The following OPHN1 variants were observed in gnomAD, a reference collection of about 807,000 sequenced individuals.
OPHN1 encodes the protein oligophrenin 1, also known as oligophrenin-1.
OPHN1 carries 11 observed loss-of-function variants against 60.7 expected under a neutral mutation model. The ratio of observed to expected loss-of-function variants is 0.18; its 90% confidence interval spans 0.11 to 0.30. OPHN1 has a LOEUF of 0.30. OPHN1 is among the 10% of genes least tolerant of loss of function. The pLI, the probability that OPHN1 is intolerant of heterozygous loss-of-function variation, is 1.00. For synonymous variants in OPHN1, 226 were observed against 222.6 expected, an observed-to-expected ratio of 1.02 and a Z score of -0.14; for missense variants, 449 against 611.0, an observed-to-expected ratio of 0.73 and a Z score of 2.80.
chrX:68,362,258 A>C (rs978492408), intron 2 of OPHN1, among the ~76,000 whole-genome samples: 1 of 111,949 alleles, frequency 8.9e-6, no homozygotes, highest in African/African-American at 3.2e-5. Flanking sequence ...ATGCTAGTGA[A>C]ATAAGCCAGG....
At chrX:68,182,062 C>T (rs746208751) in intron 15 of OPHN1, among the ~76,000 whole-genome samples, 22 of 110,780 alleles carry the variant, frequency 2.0e-4, no homozygotes, top group East Asian at 8.5e-4. Flanking sequence ...ATCTCCCGGA[C>T]GACTGGTGGG....
At chrX:68,331,285 A>G (rs1356748893) in intron 2 of OPHN1, among the ~76,000 whole-genome samples, 3 of 107,382 alleles carry the variant, frequency 2.8e-5, no homozygotes, top group Non-Finnish European at 5.7e-5. Context: ...TATATTACAT[A>G]ATGATTATAA....
chrX:68,249,255 T>C (rs1005812295), intron 5 of OPHN1, among the ~76,000 whole-genome samples: 1 of 111,856 alleles, frequency 8.9e-6, no homozygotes, highest in Non-Finnish European at 1.9e-5. Context: ...AATAAAAAAA[T>C]GGCCTATGGA....
At chrX:68,162,682 T>A (rs1396290408) in intron 15 of OPHN1, among the ~76,000 whole-genome samples, 1 of 110,974 alleles carries the variant, frequency 9.0e-6, no homozygotes, top group East Asian at 2.8e-4. Context: ...TAAATTCACA[T>A]GTCATTATAT....
At chrX:68,262,829 AAGGACAGGACAGGAC>A (rs4020603) in intron 5 of OPHN1, among the ~76,000 whole-genome samples, 12 of 97,985 alleles carry the variant, frequency 1.2e-4, no homozygotes, top group Non-Finnish European at 1.7e-4. Context: ...CAAGAAAGGA[AAGGACAGGACAGGAC>A]AGGACAGGAC....
chrX:68,207,989 CTTCT>C (rs1168058734), intron 9 of OPHN1, among the ~76,000 whole-genome samples: 4 of 110,715 alleles, frequency 3.6e-5, no homozygotes, highest in Non-Finnish European at 5.7e-5. Context: ...CCTCCTTTTC[CTTCT>C]TTCTTTCTCT....
chrX:68,302,514 G>A (rs187662573), intron 2 of OPHN1, among the ~76,000 whole-genome samples: 8 of 108,906 alleles, frequency 7.3e-5, no homozygotes, highest in African/African-American at 1.7e-4. Flanking sequence ...ACTTGAACCC[G>A]AGAGGCAGAG....
chrX:68,193,804 C>A, intron 14 of OPHN1, 86 bp downstream of exon 14: 1 of 828,275 alleles, frequency 1.2e-6, no homozygotes, highest in Non-Finnish European at 1.8e-6. Flanking sequence ...GTCTTCATTC[C>A]TAAAACGCTA....
chrX:68,073,868 C>G (rs1199232929), intron 19 of OPHN1, among the ~76,000 whole-genome samples: 1 of 112,330 alleles, frequency 8.9e-6, no homozygotes, highest in Non-Finnish European at 1.9e-5. Flanking sequence ...TGTTTTCCCT[C>G]CTATGTCACT....
intron 2 of OPHN1, among the ~76,000 whole-genome samples, chrX:68,337,441 G>A (rs1192210592): frequency 8.9e-6 from 1 of 112,039 alleles, no homozygotes; most frequent in African/African-American, 3.2e-5. Flanking sequence ...CACAATGGCA[G>A]ATGTAAATCC....
chrX:68,322,423 A>T (rs1020413670), intron 2 of OPHN1, among the ~76,000 whole-genome samples: 2 of 112,073 alleles, frequency 1.8e-5, no homozygotes, highest in Non-Finnish European at 3.8e-5. Flanking sequence ...GGAAATGACT[A>T]AAATGTCCCT....
intron 15 of OPHN1, among the ~76,000 whole-genome samples, chrX:68,166,966 A>G (rs1399207006): frequency 1.8e-5 from 2 of 112,324 alleles, no homozygotes; most frequent in Admixed American, 1.9e-4. Context: ...AGGACACTGG[A>G]CTGGGCAAAT....
At chrX:68,227,210 T>C (rs896063507) in intron 6 of OPHN1, among the ~76,000 whole-genome samples, 92 of 111,690 alleles carry the variant, frequency 8.2e-4, no homozygotes, top group Non-Finnish European at 1.5e-3. Flanking sequence ...GAGCTAACTA[T>C]CCTAAATATA....
chrX:68,272,472 G>A (rs1187511616), intron 5 of OPHN1, among the ~76,000 whole-genome samples: 3 of 112,200 alleles, frequency 2.7e-5, no homozygotes, highest in Non-Finnish European at 5.6e-5. Flanking sequence ...ACAATGAACC[G>A]CATATACAAT....
In OPHN1 at chrX:68,073,139, C is replaced by G. The variant is rs1437028889; in HGVS notation, c.1834+13G>C. ...TCACCATTCAGAAGCTAAAGGTGAACCTCAGTACTGACCTTCGCTTTCATC... is the reference window on the plus strand; with the variant it reads ...TCACCATTCAGAAGCTAAAGGTGAAGCTCAGTACTGACCTTCGCTTTCATC... On this transcript the variant is annotated intron_variant, in intron 20 of 24. Transcript: ENST00000355520. 2.5e-6 allele frequency: 3 copies of G among 1,201,339 alleles called. No homozygotes were observed. The Admixed American group carries it at 6.7e-5, about 27-fold the overall frequency.
At chrX:68,049,424 C>A (rs896798413) in intron 23 of OPHN1, among the ~76,000 whole-genome samples, 1 of 111,747 alleles carries the variant, frequency 8.9e-6, no homozygotes, top group Non-Finnish European at 1.9e-5. Context: ...TTCTCTTTCT[C>A]GGTTCATCAA....
At chrX:68,223,737 T>G (rs1427067508) in intron 6 of OPHN1, among the ~76,000 whole-genome samples, 1 of 111,144 alleles carries the variant, frequency 9.0e-6, no homozygotes, top group African/African-American at 3.3e-5. Flanking sequence ...AGATTAAAAG[T>G]AAAGGTATAA....
At chrX:68,364,028 G>A (rs2078486535) in intron 2 of OPHN1, among the ~76,000 whole-genome samples, 1 of 111,952 alleles carries the variant, frequency 8.9e-6, no homozygotes, top group African/African-American at 3.2e-5. Flanking sequence ...GAGCACTAAG[G>A]TTCCTTGAAC....
chrX:68,192,424 G>C (rs1288918259), intron 15 of OPHN1, among the ~76,000 whole-genome samples: 1 of 105,060 alleles, frequency 9.5e-6, no homozygotes, highest in African/African-American at 3.5e-5. Context: ...AGTGAGCCAT[G>C]ATCATGCCAC....
Sources: gnomAD v4.1 joint callset for allele counts (sites outside exome capture counted in the v4.1 genomes callset) on GRCh38, gnomAD v4.1.1 for gene constraint, MANE v1.5 for transcripts, NCBI Gene and HGNC (gene_info 2026-07-23, HGNC 2026-07-21) for gene names.